The following PCDHGA5 variants were observed in gnomAD, a reference collection of about 807,000 sequenced individuals.
PCDHGA5 encodes the protein protocadherin gamma-A5.
Under a neutral mutation model 56.7 loss-of-function variants are expected in PCDHGA5, and 36 were observed. The observed-to-expected ratio is 0.64, with a 90% CI of 0.49 to 0.84. PCDHGA5 has a LOEUF of 0.84. Among genes scored for constraint, PCDHGA5 ranks in the 40% least tolerant of loss-of-function variants. The pLI is 0.00. For synonymous variants in PCDHGA5, 563 were observed against 520.2 expected, an observed-to-expected ratio of 1.08 and a Z score of -1.12; for missense variants, 1,305 against 1,201.5, an observed-to-expected ratio of 1.09 and a Z score of -1.27.
intron 1 of PCDHGA5, chr5:141,379,314 G>T (rs557036464): frequency 6.6e-6 from 1 of 152,242 alleles, no homozygotes; most frequent in South Asian, 2.1e-4. Context: ...CTAAACAAGA[G>T]ATCTAATCAT....
chr5:141,453,930 T>G (rs944390811), intron 1 of PCDHGA5, among the ~76,000 whole-genome samples: 10 of 152,242 alleles, frequency 6.6e-5, no homozygotes, highest in Non-Finnish European at 1.0e-4. Flanking sequence ...AGTCACTGTG[T>G]GCCTATAATT....
intron 1 of PCDHGA5, chr5:141,398,997 G>A: frequency 6.2e-7 from 1 of 1,613,934 alleles, no homozygotes; most frequent in Non-Finnish European, 8.5e-7. Flanking sequence ...TCTTTAGTCT[G>A]AATTCAAAGA....
chr5:141,456,968 A>AAAACAAAC (rs202005606), intron 1 of PCDHGA5, among the ~76,000 whole-genome samples: 1 of 152,282 alleles, frequency 6.6e-6, no homozygotes, highest in Admixed American at 6.5e-5. Flanking sequence ...ATCTCAAAAC[A>AAAACAAAC]AAACAAACAA....
At chr5:141,394,618 C>T (rs1439211567) in intron 1 of PCDHGA5, 2 of 1,613,396 alleles carry the variant, frequency 1.2e-6, no homozygotes, top group African/African-American at 1.3e-5. Context: ...GGCCAGAACG[C>T]CTGGCTGTCC....
At chr5:141,453,608 C>T (rs1015022396) in intron 1 of PCDHGA5, among the ~76,000 whole-genome samples, 6 of 152,068 alleles carry the variant, frequency 3.9e-5, no homozygotes, top group South Asian at 2.1e-4. Context: ...TTTTGCAAAA[C>T]GCAAAAACAA....
chr5:141,395,643 T>A (rs2150633577), intron 1 of PCDHGA5: 1 of 171,018 alleles, frequency 5.8e-6, no homozygotes, highest in East Asian at 1.7e-4. Flanking sequence ...GCCTTGTTAT[T>A]AGCTTAGCAA....
chr5:141,508,507 TGGTCCAGCCCAACCTCAG>T (rs1377043623), intron 3 of PCDHGA5, among the ~76,000 whole-genome samples: 1 of 152,178 alleles, frequency 6.6e-6, no homozygotes, highest in Non-Finnish European at 1.5e-5. Flanking sequence ...CTCTCCCTCC[TGGTCCAGCCCAACCTCAG>T]GGCACCCCCC....
chr5:141,418,906 C>T, intron 1 of PCDHGA5: 1 of 1,613,908 alleles, frequency 6.2e-7, no homozygotes, highest in Non-Finnish European at 8.5e-7. Flanking sequence ...AAATAATCAT[C>T]ACGTCACTCT....
chr5:141,432,949 C>A lies in PCDHGA5; in HGVS notation c.2422-61858C>A, dbSNP rs764998032. ...CACGCCTGCTGCAGGCTTCAGGAGG[C>A]GGCTTGACAGGAGCGCCGGCGTCGC... On this transcript the variant is annotated intron_variant, in intron 1 of 3. Transcript: ENST00000518069. This position sits in a 1 kb window ranked among gnomAD's most constrained non-coding sequence, Gnocchi z 6.0. The A allele has an allele frequency of 1.9e-6, 3 of 1,614,184 alleles. No homozygotes were observed. The highest frequency in any genetic ancestry group is 2.5e-6 in the Non-Finnish European group (3 of 1,180,040).
intron 1 of PCDHGA5, chr5:141,383,556 C>G: frequency 6.2e-7 from 1 of 1,612,766 alleles, no homozygotes; most frequent in Non-Finnish European, 8.5e-7. Flanking sequence ...ATGGCGGCGA[C>G]CCGCCCCGAT....
At chr5:141,426,937 C>T in intron 1 of PCDHGA5, 1 of 456,736 alleles carries the variant, frequency 2.2e-6, no homozygotes, top group Non-Finnish European at 4.4e-6. Flanking sequence ...ATGGGTGACC[C>T]AGTCCCAACT....
chr5:141,481,026 C>T (rs1315533254), intron 1 of PCDHGA5, among the ~76,000 whole-genome samples: 1 of 152,100 alleles, frequency 6.6e-6, no homozygotes, highest in African/African-American at 2.4e-5. Flanking sequence ...CCACTGCACT[C>T]CAGCCTGGGC....
At chr5:141,446,390 G>A (rs2098500089) in intron 1 of PCDHGA5, among the ~76,000 whole-genome samples, 1 of 152,284 alleles carries the variant, frequency 6.6e-6, no homozygotes, top group African/African-American at 2.4e-5. Context: ...ATAGATTTAA[G>A]AGAAATCGAG....
intron 1 of PCDHGA5, among the ~76,000 whole-genome samples, chr5:141,488,511 G>A (rs2099676160): frequency 6.6e-6 from 1 of 152,162 alleles, no homozygotes. Context: ...CCACATTTGG[G>A]GTCTGGGGTG....
At chr5:141,406,474 T>TA (rs1309995681) in intron 1 of PCDHGA5, among the ~76,000 whole-genome samples, 1 of 152,248 alleles carries the variant, frequency 6.6e-6, no homozygotes, top group Non-Finnish European at 1.5e-5. Flanking sequence ...TCTTTGAGGT[T>TA]ATATTTTTCA....
chr5:141,432,336 G>A lies in PCDHGA5; in HGVS notation c.2422-62471G>A. On this transcript the variant is annotated intron_variant, in intron 1 of 3. Coordinates refer to ENST00000518069, the MANE Select transcript of PCDHGA5 (RefSeq NM_018918.3). The surrounding 1 kb of genome is among the most constrained non-coding windows in gnomAD (Gnocchi z 6.0). ...AGCTCCTTCGACTACGAGCAGTTCC[G>A]AGACTTGCAAGTGAAAGTGATGGCG... 1.2e-6 allele frequency: 2 copies of A among 1,614,250 alleles called. No homozygotes were observed. The highest frequency in any genetic ancestry group is 1.7e-6 in the Non-Finnish European group (2 of 1,180,040).
chr5:141,434,010 T>C (rs772136259), intron 1 of PCDHGA5, among the ~76,000 whole-genome samples: 26 of 152,224 alleles, frequency 1.7e-4, no homozygotes, highest in Non-Finnish European at 3.1e-4. Flanking sequence ...TATATGTTTG[T>C]TTCTATGATT....
At chr5:141,430,642 A>C in intron 1 of PCDHGA5, 2 of 918,498 alleles carry the variant, frequency 2.2e-6, no homozygotes, top group South Asian at 5.1e-5. Flanking sequence ...CCCTGGGAGT[A>C]TGTGGAAACA....
intron 1 of PCDHGA5, chr5:141,394,616 C>T (rs2093043198): frequency 1.2e-6 from 2 of 1,613,490 alleles, no homozygotes; most frequent in East Asian, 2.2e-5. Flanking sequence ...CGGGCCAGAA[C>T]GCCTGGCTGT....
Sources: allele counts gnomAD v4.1 joint callset (sites outside exome capture counted in the v4.1 genomes callset), GRCh38; gene constraint gnomAD v4.1.1; non-coding constraint Gnocchi (gnomAD v3.1); transcripts MANE v1.5; gene names NCBI Gene and HGNC (gene_info 2026-07-23, HGNC 2026-07-21).